PHTF1: variants seen among roughly 807,000 people sequenced by gnomAD.
The protein encoded by PHTF1 is protein PHTF1.
In PHTF1, 88 loss-of-function variants were observed where a neutral mutation model predicts 102.4. The observed-to-expected ratio is 0.86, with a 90% CI of 0.72 to 1.03. PHTF1 has a LOEUF of 1.03. Among genes scored for constraint, PHTF1 ranks in the 50% least tolerant of loss-of-function variants. The probability of loss-of-function intolerance (pLI) is 0.00; values close to 1 mark genes in which losing one functional copy is unlikely to be tolerated. For missense variants in PHTF1, 814 were observed against 909.5 expected, an observed-to-expected ratio of 0.89 and a Z score of 1.35; for synonymous variants, 289 against 305.2, an observed-to-expected ratio of 0.95 and a Z score of 0.55.
chr1:113,733,869 G>T (rs900876340), intron 5 of PHTF1, among the ~76,000 whole-genome samples: 9 of 152,184 alleles, frequency 5.9e-5, no homozygotes, highest in African/African-American at 2.2e-4. Flanking sequence ...TTATAAATAG[G>T]TAATGGGTGG....
intron 16 of PHTF1, chr1:113,700,270 A>G (rs1361881980): frequency 8.4e-6 from 5 of 592,500 alleles, no homozygotes; most frequent in Non-Finnish European, 1.1e-5. Context: ...ACAGAAACGA[A>G]TGATAAATGT....
chr1:113,752,469 G>C (rs1164475860), intron 3 of PHTF1, among the ~76,000 whole-genome samples: 9 of 132,178 alleles, frequency 6.8e-5, no homozygotes, highest in Non-Finnish European at 1.1e-4. Flanking sequence ...GCGCGATCTT[G>C]GCTCACTGCA....
intron 7 of PHTF1, among the ~76,000 whole-genome samples, chr1:113,724,144 A>T (rs1355508968): frequency 6.6e-6 from 1 of 152,182 alleles, no homozygotes; most frequent in Non-Finnish European, 1.5e-5. Flanking sequence ...TATGGAGAAA[A>T]GGGAACCCCC....
chr1:113,716,374 G>T (rs1652040388), intron 7 of PHTF1, among the ~76,000 whole-genome samples: 1 of 144,448 alleles, frequency 6.9e-6, no homozygotes, highest in Non-Finnish European at 1.5e-5. Context: ...TTGAGATGGG[G>T]ATCTCAGTTG....
In PHTF1 at chr1:113,726,514, G is replaced by A. The variant is rs1653857577; in HGVS notation, c.392C>T (p.Pro131Leu). ...TCCCATGAGTAGCATAAGGCACAAG[G>A]GTCCAAGTACTTCACTTATGTTCAC... The part of the protein sequence containing the change: ...PIVNISEVLG[P>L]LCLMLLMGTV... The change falls in exon 6 of 19, where the codon CCC becomes CTC. Residue 131 changes from proline (P) to leucine (L), a missense_variant. Transcript: ENST00000369604. 6.2e-7 allele frequency: 1 copy of A among 1,607,660 alleles called. No individual in the cohort carries two copies. Among genetic ancestry groups the A allele is most frequent in the Non-Finnish European group, 8.5e-7 (1 of 1,175,540 alleles).
intron 7 of PHTF1, among the ~76,000 whole-genome samples, chr1:113,719,322 G>T (rs947152663): frequency 6.6e-6 from 1 of 151,958 alleles, no homozygotes; most frequent in Admixed American, 6.6e-5. Flanking sequence ...CTTTTCTATC[G>T]CATAGTCAGG....
intron 18 of PHTF1, 140 bp downstream of exon 18, chr1:113,698,122 C>T: frequency 3.0e-6 from 2 of 661,686 alleles, no homozygotes; most frequent in Non-Finnish European, 5.0e-6. Flanking sequence ...ATGCCTATTT[C>T]TTTACCTCAA....
chr1:113,706,219 G>C, intron 12 of PHTF1, 57 bp from the exon 13 acceptor site: 1 of 1,417,756 alleles, frequency 7.1e-7, no homozygotes, highest in South Asian at 1.3e-5. Context: ...GAGTTACAAA[G>C]CAGTATTTAT....
At chr1:113,747,222 C>T (rs889069107) in intron 3 of PHTF1, among the ~76,000 whole-genome samples, 12 of 152,322 alleles carry the variant, frequency 7.9e-5, no homozygotes, top group Middle Eastern at 3.4e-3. Context: ...GTTATAATTA[C>T]ATAAATATTG....
chr1:113,749,073 G>A (rs929554158), intron 3 of PHTF1, among the ~76,000 whole-genome samples: 2 of 152,106 alleles, frequency 1.3e-5, no homozygotes, highest in Non-Finnish European at 2.9e-5. Context: ...CATTTTTCAA[G>A]AATACAACAT....
chr1:113,700,701 G>A, intron 16 of PHTF1, 93 bp downstream of exon 16: 1 of 1,168,938 alleles, frequency 8.6e-7, no homozygotes, highest in East Asian at 2.5e-5. Context: ...GTGACAGCTA[G>A]ACAGTGATTA....
At chr1:113,734,692 TTC>T (rs1260932495) in intron 5 of PHTF1, among the ~76,000 whole-genome samples, 2 of 152,206 alleles carry the variant, frequency 1.3e-5, no homozygotes, top group Non-Finnish European at 2.9e-5. Context: ...ATTTGAAAAG[TTC>T]TTAGCCTATC....
chr1:113,699,645 A>T lies in PHTF1; in HGVS notation c.2142+59T>A. 3 of 778,328 alleles carry T rather than the reference A, an allele frequency of 3.9e-6. No individual in the cohort carries two copies. In the Admixed American group the frequency reaches 6.8e-5, roughly 18 times the overall value. 48.2% of individuals were successfully genotyped at this position (778,328 alleles called of 1,614,324 possible). ...ATCATCTGCCATTTAATGTTTTCTT[A>T]GAGAAAAGACTGATTTAACTCAAAT... On this transcript the variant is annotated intron_variant, in intron 17 of 18. Coordinates refer to ENST00000369604, the MANE Select transcript of PHTF1 (RefSeq NM_001323043.2).
intron 3 of PHTF1, among the ~76,000 whole-genome samples, chr1:113,741,574 C>T (rs1318223032): frequency 6.6e-6 from 1 of 152,138 alleles, no homozygotes; most frequent in African/African-American, 2.4e-5. Context: ...ACTTTCTTTG[C>T]TTTCTAGACT....
chr1:113,752,882 A>G (rs566199984), intron 3 of PHTF1, among the ~76,000 whole-genome samples: 1 of 152,320 alleles, frequency 6.6e-6, no homozygotes, highest in South Asian at 2.1e-4. Context: ...TCCTGATTTT[A>G]GGGGAAAACA....
chr1:113,749,364 C>A (rs1243650019), intron 3 of PHTF1, among the ~76,000 whole-genome samples: 1 of 152,210 alleles, frequency 6.6e-6, no homozygotes, highest in Non-Finnish European at 1.5e-5. Flanking sequence ...AGAGGCGTGG[C>A]CAGTCATTTC....
chr1:113,737,433 T>C (rs1173994164), intron 5 of PHTF1, among the ~76,000 whole-genome samples: 1 of 152,228 alleles, frequency 6.6e-6, no homozygotes, highest in Non-Finnish European at 1.5e-5. Context: ...CCTGAAGATA[T>C]AGATTTGGGA....
chr1:113,737,804 C>G (rs979380424), intron 5 of PHTF1, among the ~76,000 whole-genome samples: 9 of 151,892 alleles, frequency 5.9e-5, no homozygotes, highest in Non-Finnish European at 1.0e-4. Flanking sequence ...GTCTCAAAAA[C>G]AAAAACAAAA....
chr1:113,729,143 T>C (rs1654264044), intron 5 of PHTF1, among the ~76,000 whole-genome samples: 1 of 152,180 alleles, frequency 6.6e-6, no homozygotes, highest in South Asian at 2.1e-4. Context: ...CTAGAGGACA[T>C]TATGTTAAGT....
Sources: gnomAD v4.1 joint callset for allele counts (sites outside exome capture counted in the v4.1 genomes callset) on GRCh38, gnomAD v4.1.1 for gene constraint, MANE v1.5 for transcripts, NCBI Gene and HGNC (gene_info 2026-07-23, HGNC 2026-07-21) for gene names.